CDK11A: variants seen among roughly 807,000 people sequenced by gnomAD.
CDK11A encodes cyclin-dependent kinase 11A.
Under a neutral mutation model 83.6 loss-of-function variants are expected in CDK11A, and 55 were observed. That is an observed-to-expected ratio of 0.66 (90% CI 0.53 to 0.82). CDK11A has a LOEUF of 0.82. Ranked by LOEUF, CDK11A falls within the 40% of genes least tolerant of loss-of-function variation. The probability of loss-of-function intolerance (pLI) is 0.00; values close to 1 mark genes in which losing one functional copy is unlikely to be tolerated. For synonymous variants in CDK11A, 247 were observed against 302.7 expected (o/e 0.82, Z 1.91); for missense variants, 564 against 810.1 (o/e 0.70, Z 3.69).
At chr1:1,703,393 T>C in intron 18 of CDK11A, 83 bp downstream of exon 18, 1 of 1,187,312 alleles carries the variant, frequency 8.4e-7, no homozygotes, top group South Asian at 1.5e-5. Context: ...TTCTGGAACG[T>C]GGTGAGCCAG....
Position 1,703,557 on chromosome 1 carries a change from G to A in CDK11A, c.1979C>T (p.Thr660Ile), listed in dbSNP as rs1157208015. The A allele has an allele frequency of 3.2e-6, 5 of 1,569,564 alleles. No individual in the cohort carries two copies. In the African/African-American group the frequency reaches 7.4e-5, roughly 23 times the overall value. The change falls in exon 18 of 20, where the codon ACC becomes ATC. Residue 660 changes from threonine to isoleucine, a missense_variant. By Grantham distance (89) the Thr-to-Ile change is moderately conservative. This residue lies in a region of CDK11A where 361 missense variants were observed against 402.7 expected (regional missense o/e 0.90). Transcript: ENST00000404249. ...GTTGTTGTAGGGGTGCTCGCTGAAGGTCATCTTTTTGACTACTGGGAGCTC... is the reference window on the plus strand; with the variant it reads ...GTTGTTGTAGGGGTGCTCGCTGAAGATCATCTTTTTGACTACTGGGAGCTC... ...YSELPVVKKM[T>I]FSEHPYNNLR...
intron 4 of CDK11A, among the ~76,000 whole-genome samples, chr1:1,716,934 T>TGAAGAGACAGGGTCTCACTATA (rs1557795366): frequency 1.4e-5 from 2 of 147,116 alleles, no homozygotes; most frequent in East Asian, 2.0e-4. Context: ...TTTTTTTTTT[T>TGAAGAGACAGGGTCTCACTATA]TTGAAGAGAC....
At chr1:1,707,909 G>A (rs1238783544) in intron 10 of CDK11A, among the ~76,000 whole-genome samples, 1 of 137,392 alleles carries the variant, frequency 7.3e-6, no homozygotes, top group Non-Finnish European at 1.5e-5. Context: ...GGACAGGCCC[G>A]GAGCCACCAT....
Position 1,703,906 on chromosome 1 carries a change from C to G in CDK11A, c.1829G>C (p.Gly610Ala), listed in dbSNP as rs1444649069. ...YSTAVDMWSV[G>A]CIFGELLTQK... ...AGTCAGCAGCTCCCCGAAGATGCAGCCCACTGACCACATGTCCACGGCCGT... is the reference window on the plus strand; with the variant it reads ...AGTCAGCAGCTCCCCGAAGATGCAGGCCACTGACCACATGTCCACGGCCGT... Residue 610 changes from glycine (G) to alanine (A), a missense_variant, in exon 17 of 20, where the codon GGC becomes GCC. Physicochemically the swap from Gly to Ala is moderately conservative, Grantham distance 60 (BLOSUM62 0). Around this residue, in one of 5 missense-constraint regions of CDK11A, gnomAD observed 361 missense variants for 402.7 expected, o/e 0.90. Coordinates refer to ENST00000404249, the MANE Select transcript of CDK11A (RefSeq NM_024011.4). 2.5e-6 allele frequency: 4 copies of G among 1,609,634 alleles called. No homozygotes were observed. In the Admixed American group the frequency reaches 6.7e-5, roughly 27 times the overall value.
chr1:1,708,369 G>GC, intron 9 of CDK11A, 124 bp from the exon 10 acceptor site: 2 of 1,430,032 alleles, frequency 1.4e-6, no homozygotes, highest in Non-Finnish European at 1.9e-6. Context: ...GGCTGGGCGC[G>GC]GTGGCTCACG....
rs762879797 is a variant in CDK11A at position 1,721,710 on chromosome 1, G to A, written c.113C>T (p.Ser38Phe). The change falls in exon 3 of 20, where the codon TCT (serine) becomes TTT (phenylalanine). Residue 38 changes from serine to phenylalanine, a missense_variant and splice_region_variant. Transcript: ENST00000404249. ...ATCCCGCTTGGAATCCCGGTCATCA[G>A]ACTAAGAAGCAAAGAGAAAGTTAAT... Reference protein sequence around the residue: ...EKAEIKRLKNSDDRDSKRDSL... With the variant: ...EKAEIKRLKNFDDRDSKRDSL... 3.2e-6 allele frequency: 5 copies of A among 1,574,968 alleles called. No individual in the cohort carries two copies. In the East Asian group the frequency reaches 1.1e-4, roughly 35 times the overall value.
At chr1:1,716,544 T>A (rs74429813) in intron 4 of CDK11A, 66 bp from the exon 5 acceptor site, 3 of 1,534,100 alleles carry the variant, frequency 2.0e-6, no homozygotes, top group African/African-American at 2.7e-5. Context: ...CCGGGCACGG[T>A]GGCTTACGCC....
In CDK11A at chr1:1,707,472, G is replaced by C. The variant is rs746314221; in HGVS notation, c.1182C>G (p.Asp394Glu). ...SALTEGDYVP[D>E]SPALLPIELK... ...GCTCGATGGGCAACAGGGCAGGGGA[G>C]TCGGGCACATAGTCGCCCTCTGTCA... The change falls in exon 11 of 20, where the codon GAC becomes GAG. Residue 394 changes from aspartate to glutamate, a missense_variant. Physicochemically the swap from Asp to Glu is conservative, Grantham distance 45. Coordinates refer to ENST00000404249, the MANE Select transcript of CDK11A (RefSeq NM_024011.4). 1.4e-5 allele frequency: 23 copies of C among 1,607,386 alleles called. No individual in the cohort carries two copies. The highest frequency in any genetic ancestry group is 2.7e-5 in the African/African-American group (2 of 74,006).
At chr1:1,715,546 C>T (rs61776854) in intron 5 of CDK11A, among the ~76,000 whole-genome samples, 110,280 of 143,298 alleles carry the variant, frequency 0.77, 44,448 homozygotes, top group Non-Finnish European at 0.91. Flanking sequence ...CACCCAGCAG[C>T]GGTCTCGGAC....
chr1:1,723,514 A>AAAAAAAAG (rs1644990669), intron 1 of CDK11A, among the ~76,000 whole-genome samples: 1 of 42,590 alleles, frequency 2.3e-5, no homozygotes, highest in African/African-American at 5.3e-5. Context: ...AAAAAAAAAA[A>AAAAAAAAG]AAAAAAAAAC....
At position 1,702,809 on chromosome 1, in the gene CDK11A, T is replaced by A. The variant is rs1191025693; in HGVS notation, c.*98A>T. On this transcript the variant is annotated 3_prime_UTR_variant, in exon 20 of 20. Coordinates refer to ENST00000404249, the MANE Select transcript of CDK11A (RefSeq NM_024011.4). Reference sequence around the variant, plus strand: ...CAAAAACAAAACATGGAGCACAAAGTAAGACGAGGAGTTCCGAGTCTCATC... The same window carrying A: ...CAAAAACAAAACATGGAGCACAAAGAAAGACGAGGAGTTCCGAGTCTCATC... 3 of 476,084 alleles carry A rather than the reference T, an allele frequency of 6.3e-6. No individual in the cohort carries two copies. The highest frequency in any genetic ancestry group is 4.5e-5 in the South Asian group (2 of 44,792). The allele number at this position is 476,084 out of a possible 1,614,324, so 29.5% of individuals were successfully genotyped here. A position where few individuals can be genotyped will look rare whatever the true frequency, so the allele number is the denominator to read the frequency against.
chr1:1,703,824 C>T lies in CDK11A; in HGVS notation c.1911G>A (p.Lys637=). The T allele has an allele frequency of 1.2e-6, 2 of 1,609,700 alleles. No homozygotes were observed. The highest frequency in any genetic ancestry group is 1.7e-6 in the Non-Finnish European group (2 of 1,176,942). ...GCACCTGCGGCAGGGCCAGACCCAC[C>T]TTGAACACTTTGTTGATCTGATCGA... is the stretch of plus-strand genomic sequence containing the variant. ...SEIDQINKVF[K]ELGTPSEKIW... The change falls in exon 17 of 20, where the codon AAG becomes AAA. Residue 637 remains lysine, a splice_region_variant and synonymous_variant. Transcript: ENST00000404249.
At chr1:1,722,512 T>G in intron 2 of CDK11A, 196 bp downstream of exon 2, 1 of 585,508 alleles carries the variant, frequency 1.7e-6, no homozygotes, top group Non-Finnish European at 3.1e-6. Flanking sequence ...CCATGTATGC[T>G]CAATCTAGAC....
intron 14 of CDK11A, 23 bp from the exon 15 acceptor site, chr1:1,704,367 T>C (rs777158943): frequency 1.1e-5 from 18 of 1,606,298 alleles, no homozygotes; most frequent in Admixed American, 8.4e-5. Context: ...GAGGCTCCCA[T>C]GTGGACCCGG....
chr1:1,720,328 A>C (rs1201750602), intron 3 of CDK11A, among the ~76,000 whole-genome samples: 2 of 148,316 alleles, frequency 1.3e-5, no homozygotes, highest in Non-Finnish European at 3.0e-5. Context: ...CGATCTCCTG[A>C]CCTTGTGATC....
In CDK11A at chr1:1,704,161, G is replaced by A; in HGVS notation, c.1687-15C>T. 4 of 1,607,162 alleles carry A rather than the reference G, an allele frequency of 2.5e-6. No individual in the cohort carries two copies. Among genetic ancestry groups the A allele is most frequent in the Non-Finnish European group, 3.4e-6 (4 of 1,175,982 alleles). On this transcript the variant is annotated splice_polypyrimidine_tract_variant and intron_variant, in intron 15 of 19. Transcript: ENST00000404249. ...AAATCACCCACCTGCAACGACAGAT[G>A]GGCGGCTGTGGGTGGGCCTGGGCGG...
At chr1:1,714,523 A>G (rs61776847) in intron 5 of CDK11A, among the ~76,000 whole-genome samples, 4,748 of 33,792 alleles carry the variant, frequency 0.14, 1,663 homozygotes, top group African/African-American at 0.2. Context: ...TGTTACCACC[A>G]AGGCCTGTCT....
At chr1:1,713,795 T>C (rs1340467398) in intron 5 of CDK11A, among the ~76,000 whole-genome samples, 3 of 67,736 alleles carry the variant, frequency 4.4e-5, no homozygotes, top group African/African-American at 1.0e-4. Context: ...CAAGTTACCG[T>C]CTGGTGTCAT....
In CDK11A at chr1:1,704,552, G is replaced by C; in HGVS notation, c.1562C>G (p.Pro521Arg). 1 of 1,604,754 alleles carries C rather than the reference G, an allele frequency of 6.2e-7. No homozygotes were observed. The highest frequency in any genetic ancestry group is 8.5e-7 in the Non-Finnish European group (1 of 1,174,814). Residue 521 changes from proline to arginine, a missense_variant and splice_region_variant, in exon 14 of 20, where the codon CCA becomes CGA. Transcript: ENST00000404249. ...LMETMKQPFL[P>R]GEVKTLMIQL... is the part of the protein sequence containing the mutation. ...AGGACCCCGGGGCGCGGCTGTACCT[G>C]GCAGGAAGGGCTGTTTCATGGTCTC...
Sources: gnomAD v4.1 joint callset for allele counts (sites outside exome capture counted in the v4.1 genomes callset) on GRCh38, gnomAD v4.1.1 for gene constraint, gnomAD v4.1.1 regional missense constraint, MANE v1.5 for transcripts, NCBI Gene and HGNC (gene_info 2026-07-23, HGNC 2026-07-21) for gene names.